PA2G4: variants seen among roughly 807,000 people sequenced by gnomAD.
PA2G4 encodes the protein proliferation-associated protein 2G4.
In PA2G4, 8 loss-of-function variants were observed where a neutral mutation model predicts 53.3. The observed-to-expected ratio is 0.15, with a 90% CI of 0.09 to 0.27. PA2G4 has a LOEUF of 0.27. PA2G4 is among the 10% of genes least tolerant of loss of function. PA2G4 has a pLI of 1.00. For synonymous variants in PA2G4, 143 were observed against 169.8 expected (o/e 0.84, Z 1.23); for missense variants, 208 against 486.8 (o/e 0.43, Z 5.39).
intron 5 of PA2G4, among the ~76,000 whole-genome samples, chr12:56,108,095 G>T (rs1869339245): frequency 6.6e-6 from 1 of 151,946 alleles, no homozygotes. Context: ...GGTAAAAAAG[G>T]ATAAACACTG....
Position 56,110,675 on chromosome 12 carries a change from C to T in PA2G4, c.825C>T (p.Ala275=). 6.2e-7 allele frequency: 1 copy of T among 1,614,114 alleles called. No homozygotes were observed. The highest frequency in any genetic ancestry group is 8.5e-7 in the Non-Finnish European group (1 of 1,180,014). ...FFSEVERRFD[A]MPFTLRAFED... ...GTGAGGTGGAAAGGCGTTTTGATGCCATGCCGTTTACTTTAAGGTACTAAG... is the reference window on the plus strand; with the variant it reads ...GTGAGGTGGAAAGGCGTTTTGATGCTATGCCGTTTACTTTAAGGTACTAAG... The change falls in exon 9 of 13, where the codon GCC becomes GCT. Residue 275 remains alanine (A), a synonymous_variant. Coordinates refer to ENST00000303305, the MANE Select transcript of PA2G4 (RefSeq NM_006191.3).
At chr12:56,109,492 T>A (rs1297855492) in intron 6 of PA2G4, among the ~76,000 whole-genome samples, 199 bp downstream of exon 6, 2 of 151,896 alleles carry the variant, frequency 1.3e-5, no homozygotes. Flanking sequence ...TGGTGGTGGG[T>A]GCCTGTAATC....
chr12:56,104,958 C>CGTGGT, intron 1 of PA2G4, 133 bp downstream of exon 1: 1 of 864,298 alleles, frequency 1.2e-6, no homozygotes, highest in South Asian at 1.3e-5. Context: ...CTGGGCACGG[C>CGTGGT]GTGGTGGGAA....
chr12:56,109,005 A>C (rs1173905756), intron 5 of PA2G4, among the ~76,000 whole-genome samples: 1 of 151,758 alleles, frequency 6.6e-6, no homozygotes, highest in African/African-American at 2.4e-5. Context: ...GCGTGCCTGT[A>C]ATCCCAGCTA....
intron 5 of PA2G4, among the ~76,000 whole-genome samples, chr12:56,108,085 G>A (rs1221020707): frequency 1.3e-5 from 2 of 151,904 alleles, no homozygotes; most frequent in African/African-American, 4.8e-5. Flanking sequence ...TAGAATGCCA[G>A]GTAAAAAAGG....
intron 1 of PA2G4, 63 bp downstream of exon 1, chr12:56,104,888 G>A (rs1869259662): frequency 9.2e-6 from 13 of 1,405,932 alleles, no homozygotes; most frequent in Non-Finnish European, 1.3e-5. Context: ...GGCTGGCCCG[G>A]AAGGGGCTGG....
In PA2G4 at chr12:56,111,237, G is replaced by A. The variant is rs1205252856; in HGVS notation, c.993G>A (p.Met331Ile). 6.2e-7 allele frequency: 1 copy of A among 1,614,136 alleles called. No individual in the cohort carries two copies. The highest frequency in any genetic ancestry group is 8.5e-7 in the Non-Finnish European group (1 of 1,180,018). ...TTCTGCTCATGCCCAATGGCCCCAT[G>A]CGGATAACCAGTGGTCCCTTCGAGC... ...FTVLLMPNGP[M>I]RITSGPFEPD... Residue 331 changes from methionine (M) to isoleucine (I), a missense_variant, in exon 11 of 13, where the codon ATG becomes ATA. Around this residue, in one of 3 missense-constraint regions of PA2G4, gnomAD observed 50 missense variants for 82.3 expected, o/e 0.61. Coordinates refer to ENST00000303305, the MANE Select transcript of PA2G4 (RefSeq NM_006191.3).
rs373174451 is a variant in PA2G4, at chr12:56,111,537, A to G, written c.1119+8A>G. ...AAAAAGAAAAAAAAGAAGGTGTGTTATTAACGATCATTCCTCTCTGGCAGG... is the reference window on the plus strand; with the variant it reads ...AAAAAGAAAAAAAAGAAGGTGTGTTGTTAACGATCATTCCTCTCTGGCAGG... On this transcript the variant is annotated splice_region_variant and intron_variant, in intron 12 of 12. Coordinates refer to ENST00000303305, the MANE Select transcript of PA2G4 (RefSeq NM_006191.3). The G allele has an allele frequency of 2.4e-5, 39 of 1,611,466 alleles. No homozygotes were observed. The highest frequency in any genetic ancestry group is 3.2e-5 in the Non-Finnish European group (38 of 1,178,660).
In PA2G4 at chr12:56,111,071, AAG is replaced by A; in HGVS notation, c.937+16_937+17del. Reference sequence around the variant, plus strand: ...TATGAGAAGGAGGGTGAGTTCCAAAAAGAGCTTCACTTTGGATTCCCTGATTA... The same window carrying A: ...TATGAGAAGGAGGGTGAGTTCCAAAAAGCTTCACTTTGGATTCCCTGATTA... On this transcript the variant is annotated intron_variant, in intron 10 of 12. Coordinates refer to ENST00000303305, the MANE Select transcript of PA2G4 (RefSeq NM_006191.3). The A allele has an allele frequency of 6.2e-7, 1 of 1,613,484 alleles. No individual in the cohort carries two copies. The highest frequency in any genetic ancestry group is 8.5e-7 in the Non-Finnish European group (1 of 1,179,378).
rs933661969 is a variant in PA2G4, at chr12:56,110,009, G to C, written c.629+74G>C. 7.9e-6 allele frequency: 8 copies of C among 1,017,210 alleles called. No homozygotes were observed. The South Asian group carries it at 1.0e-4, about 13-fold the overall frequency. 63.0% of individuals were successfully genotyped at this position (1,017,210 alleles called of 1,614,324 possible). On this transcript the variant is annotated intron_variant, in intron 7 of 12. Coordinates refer to ENST00000303305, the MANE Select transcript of PA2G4 (RefSeq NM_006191.3). ...CAGGTTTTTTTCTATACTCCCAACT[G>C]AATCTTGTCCGCCCTCTACTCCATG...
chr12:56,105,182 A>G (rs1280240481), intron 1 of PA2G4: 3 of 509,042 alleles, frequency 5.9e-6, no homozygotes, highest in Non-Finnish European at 1.1e-5. Context: ...CCACCTCGAA[A>G]AGGAAGCGCC....
intron 1 of PA2G4, chr12:56,106,085 A>G (rs1024728424): frequency 6.6e-6 from 1 of 152,290 alleles, no homozygotes; most frequent in Non-Finnish European, 1.5e-5. Flanking sequence ...ATAAGCCATG[A>G]TCCCCCGAAA....
chr12:56,106,667 T>A lies in PA2G4; in HGVS notation c.168T>A (p.Ile56=). 1 of 1,604,936 alleles carries A rather than the reference T, an allele frequency of 6.2e-7. No individual in the cohort carries two copies. Reference sequence around the variant, plus strand: ...TGTGTGAGAAAGGTGATGCCATGATTATGGAAGAAACAGGGAAAATCTTCA... The same window carrying A: ...TGTGTGAGAAAGGTGATGCCATGATAATGGAAGAAACAGGGAAAATCTTCA... The part of the protein sequence containing the change: ...LSLCEKGDAM[I]MEETGKIFKK... The change falls in exon 2 of 13, where the codon ATT becomes ATA. Residue 56 remains isoleucine (I), a synonymous_variant. Coordinates refer to ENST00000303305, the MANE Select transcript of PA2G4 (RefSeq NM_006191.3).
intron 1 of PA2G4, 154 bp from the exon 2 acceptor site, chr12:56,106,434 G>A (rs1869303097): frequency 3.8e-6 from 3 of 780,016 alleles, no homozygotes. Context: ...GTCACATAAT[G>A]TAAGGAAGAG....
In PA2G4 at chr12:56,110,574, C is replaced by G; in HGVS notation, c.724C>G (p.Gln242Glu). Residue 242 changes from glutamine to glutamate, a missense_variant, in exon 9 of 13, where the codon CAG (glutamine) becomes GAG (glutamate). This residue lies in a region of PA2G4 where 143 missense variants were observed against 386.8 expected (regional missense o/e 0.37). Transcript: ENST00000303305. ...ACTCTTTCAGGCCAAGGATGCAGGA[C>G]AGAGAACCACTATTTACAAACGAGA... ...SGEGKAKDAG[Q>E]RTTIYKRDPS... 1 of 1,614,086 alleles carries G rather than the reference C, an allele frequency of 6.2e-7. No individual in the cohort carries two copies. Among genetic ancestry groups the G allele is most frequent in the South Asian group, 1.1e-5 (1 of 91,070 alleles).
Position 56,110,975 on chromosome 12 carries a change from A to G in PA2G4, c.854A>G (p.Asp285Gly). 1.9e-6 allele frequency: 3 copies of G among 1,612,826 alleles called. No individual in the cohort carries two copies. The highest frequency in any genetic ancestry group is 2.5e-6 in the Non-Finnish European group (3 of 1,179,946). The change falls in exon 10 of 13, where the codon GAT becomes GGT. Residue 285 changes from aspartate (D) to glycine (G), a missense_variant. Transcript: ENST00000303305. Reference protein sequence around the residue: ...AMPFTLRAFEDEKKARMGVVE... With the variant: ...AMPFTLRAFEGEKKARMGVVE... ...ATCTTCCCTGCCAGAGCATTTGAAGATGAGAAGAAGGCTCGGATGGGTGTG... is the reference window on the plus strand; with the variant it reads ...ATCTTCCCTGCCAGAGCATTTGAAGGTGAGAAGAAGGCTCGGATGGGTGTG...
chr12:56,112,749 T>C (rs1436883093), intron 12 of PA2G4, 74 bp from the exon 13 acceptor site: 1 of 1,046,004 alleles, frequency 9.6e-7, no homozygotes, highest in Non-Finnish European at 1.4e-6. Context: ...AAAAATACTT[T>C]TATCTCTGGT....
intron 5 of PA2G4, 35 bp from the exon 6 acceptor site, chr12:56,109,195 G>T: frequency 1.4e-6 from 2 of 1,436,526 alleles, no homozygotes; most frequent in South Asian, 1.1e-5. Context: ...ATTAGCTCCT[G>T]ATATCTCACC....
chr12:56,110,491 C>G lies in PA2G4; in HGVS notation c.708+14C>G. Reference sequence around the variant, plus strand: ...GGAGAGGGCAAGGTGAGGAGAGTACCAGAGTTGGCAAAGAGGGGTGACTGA... The same window carrying G: ...GGAGAGGGCAAGGTGAGGAGAGTACGAGAGTTGGCAAAGAGGGGTGACTGA... On this transcript the variant is annotated intron_variant, in intron 8 of 12. Coordinates refer to ENST00000303305, the MANE Select transcript of PA2G4 (RefSeq NM_006191.3). 1.9e-6 allele frequency: 3 copies of G among 1,613,256 alleles called. No homozygotes were observed. Among genetic ancestry groups the G allele is most frequent in the Non-Finnish European group, 2.5e-6 (3 of 1,179,308 alleles).
Sources: gnomAD v4.1 joint callset for allele counts (sites outside exome capture counted in the v4.1 genomes callset) on GRCh38, gnomAD v4.1.1 for gene constraint, gnomAD v4.1.1 regional missense constraint, MANE v1.5 for transcripts, NCBI Gene and HGNC (gene_info 2026-07-23, HGNC 2026-07-21) for gene names.